GNAL: variants seen among roughly 807,000 people sequenced by gnomAD.
GNAL encodes guanine nucleotide-binding protein G(olf) subunit alpha.
In GNAL, 18 loss-of-function variants were observed where a neutral mutation model predicts 55.1. The ratio of observed to expected loss-of-function variants is 0.33; its 90% CI spans 0.23 to 0.48. GNAL has a LOEUF of 0.48. Ranked by LOEUF, GNAL falls within the 20% of genes least tolerant of loss-of-function variation. The pLI is 0.99. For missense variants in GNAL, 412 were observed against 614.1 expected (o/e 0.67, Z 3.48); for synonymous variants, 253 against 237.0 (o/e 1.07, Z -0.62).
At chr18:11,756,560 C>T (rs989133343) in intron 4 of GNAL, among the ~76,000 whole-genome samples, 4 of 151,370 alleles carry the variant, frequency 2.6e-5, no homozygotes, top group Admixed American at 2.6e-4. Context: ...AACATAGCCC[C>T]GACTTATGAC....
At chr18:11,704,878 G>GTT (rs1423793293) in intron 1 of GNAL, among the ~76,000 whole-genome samples, 4 of 151,984 alleles carry the variant, frequency 2.6e-5, no homozygotes, top group African/African-American at 7.3e-5. Flanking sequence ...GTTTTGACAT[G>GTT]TGTATACACC....
chr18:11,808,884 C>T (rs1160188288), intron 4 of GNAL, among the ~76,000 whole-genome samples: 2 of 152,220 alleles, frequency 1.3e-5, no homozygotes, highest in African/African-American at 2.4e-5. Flanking sequence ...CATGCTAAGT[C>T]AGAGAAGCCA....
chr18:11,745,088 A>ACAG (rs1409314754), intron 1 of GNAL, among the ~76,000 whole-genome samples: 2 of 152,214 alleles, frequency 1.3e-5, no homozygotes, highest in Non-Finnish European at 2.9e-5. Flanking sequence ...TATAAAGACT[A>ACAG]CAGAAGACCA....
At chr18:11,806,094 A>G (rs929515287) in intron 4 of GNAL, among the ~76,000 whole-genome samples, 4 of 152,076 alleles carry the variant, frequency 2.6e-5, no homozygotes, top group Non-Finnish European at 5.9e-5. Context: ...TTATCTGATG[A>G]TTAGTTATGT....
chr18:11,699,213 TAGAGAC>T (rs531487325), intron 1 of GNAL, among the ~76,000 whole-genome samples: 132 of 152,204 alleles, frequency 8.7e-4, no homozygotes, highest in African/African-American at 3.0e-3. Context: ...TTTATTTACT[TAGAGAC>T]AGAGTCTCTC....
chr18:11,862,508 T>C, intron 6 of GNAL, 59 bp downstream of exon 6: 1 of 1,265,768 alleles, frequency 7.9e-7, no homozygotes, highest in Non-Finnish European at 1.2e-6. Flanking sequence ...ATTTCCAATA[T>C]GATTTAATGA....
chr18:11,706,879 C>T (rs1046684055), intron 1 of GNAL, among the ~76,000 whole-genome samples: 3 of 152,202 alleles, frequency 2.0e-5, no homozygotes, highest in Admixed American at 1.3e-4. Flanking sequence ...AGTCTTGAAT[C>T]CCTCAAAGCA....
rs1449657115 is a variant in GNAL at position 11,881,107 on chromosome 18, T to C, written c.1349T>C (p.Met450Thr). Reference sequence around the variant, plus strand: ...GACTGCCGCGACATCATCCAGCGGATGCACCTCAAGCAGTATGAGCTCTTG... The same window carrying C: ...GACTGCCGCGACATCATCCAGCGGACGCACCTCAAGCAGTATGAGCTCTTG... Reference protein sequence around the residue: ...FNDCRDIIQRMHLKQYELL With the variant: ...FNDCRDIIQRTHLKQYELL The change falls in exon 12 of 12, where the codon ATG (methionine) becomes ACG (threonine). Residue 450 changes from methionine to threonine, a missense_variant. By Grantham distance (81) the Met-to-Thr change is moderately conservative. Coordinates refer to ENST00000334049, the MANE Select transcript of GNAL (RefSeq NM_182978.4). This position sits in a 1 kb window ranked among gnomAD's most constrained non-coding sequence, Gnocchi z 4.8. 1 of 1,612,244 alleles carries C rather than the reference T, an allele frequency of 6.2e-7. No homozygotes were observed. The highest frequency in any genetic ancestry group is 1.1e-5 in the South Asian group (1 of 90,652).
At position 11,882,351 on chromosome 18, in the gene GNAL, T is replaced by C. The variant is rs1176581238; in HGVS notation, c.*1216T>C. 1 of 152,072 alleles carries C rather than the reference T, an allele frequency of 6.6e-6. No homozygotes were observed. Among genetic ancestry groups the C allele is most frequent in the African/African-American group, 2.4e-5 (1 of 41,402 alleles). The allele number at this position is 152,072 out of a possible 1,614,324, so 9.4% of individuals were successfully genotyped here. On this transcript the variant is annotated 3_prime_UTR_variant, in exon 12 of 12. Transcript: ENST00000334049. ...GTCCATCATTCCCTTAGTCAAAACTTTGGACACAGGCTACGTCATACAAGT... is the reference window on the plus strand; with the variant it reads ...GTCCATCATTCCCTTAGTCAAAACTCTGGACACAGGCTACGTCATACAAGT...
intron 5 of GNAL, among the ~76,000 whole-genome samples, chr18:11,861,909 C>T (rs941614347): frequency 6.6e-6 from 1 of 151,800 alleles, no homozygotes; most frequent in Non-Finnish European, 1.5e-5. Context: ...TACTCTTGCA[C>T]ACCACATACT....
rs761363529 is a variant in GNAL, at chr18:11,867,230, A to AT, written c.910+11dup. 3.8e-6 allele frequency: 6 copies of AT among 1,580,592 alleles called. No homozygotes were observed. The highest frequency in any genetic ancestry group is 1.1e-5 in the South Asian group (1 of 90,340). On this transcript the variant is annotated splice_donor_region_variant and intron_variant, in intron 8 of 11. Coordinates refer to ENST00000334049, the MANE Select transcript of GNAL (RefSeq NM_182978.4). Reference sequence around the variant, plus strand: ...AAATGGATCCAGTGCTTTAACGGTGATTTTTTTATGCTCTCTCAAGAAAAT... The same window carrying AT: ...AAATGGATCCAGTGCTTTAACGGTGATTTTTTTTATGCTCTCTCAAGAAAAT...
In GNAL at chr18:11,689,892, G is replaced by T. The variant is rs778292731; in HGVS notation, c.329G>T (p.Arg110Leu). 2.7e-6 allele frequency: 4 copies of T among 1,481,484 alleles called. No individual in the cohort carries two copies. In the African/African-American group the frequency reaches 4.3e-5, roughly 16 times the overall value. The allele number at this position is 1,481,484 out of a possible 1,614,324, so 91.8% of individuals were successfully genotyped here. The change falls in exon 1 of 12, where the codon CGC becomes CTC. Residue 110 changes from arginine (R) to leucine (L), a missense_variant. By Grantham distance (102) the Arg-to-Leu change is moderately radical. Coordinates refer to ENST00000334049, the MANE Select transcript of GNAL (RefSeq NM_182978.4). ...KVSRGIDRML[R>L]DQKRDLQQTH... Reference sequence around the variant, plus strand: ...AGCCGGGGCATCGACCGCATGCTGCGCGACCAGAAGCGCGACCTGCAGCAG... The same window carrying T: ...AGCCGGGGCATCGACCGCATGCTGCTCGACCAGAAGCGCGACCTGCAGCAG...
chr18:11,689,422 G>T lies in GNAL; in HGVS notation c.-142G>T, dbSNP rs987902641. 2.7e-5 allele frequency: 10 copies of T among 375,514 alleles called. No individual in the cohort carries two copies. The highest frequency in any genetic ancestry group is 1.4e-4 in the South Asian group (1 of 7,162). The allele number at this position is 375,514 out of a possible 1,614,324, so 23.3% of individuals were successfully genotyped here. A position where few individuals can be genotyped will look rare whatever the true frequency, so the allele number is the denominator to read the frequency against. On this transcript the variant is annotated 5_prime_UTR_variant, in exon 1 of 12. Transcript: ENST00000334049. ...CACCCCCTTCCCGCAGCTGGCGGCC[G>T]GCAGCGCCGAACAGGGTCCGGGTGC...
At chr18:11,823,389 A>G (rs2035156112) in intron 4 of GNAL, among the ~76,000 whole-genome samples, 1 of 152,176 alleles carries the variant, frequency 6.6e-6, no homozygotes, top group Non-Finnish European at 1.5e-5. Flanking sequence ...ATGGTGACAG[A>G]CAGATGCAGA....
intron 4 of GNAL, among the ~76,000 whole-genome samples, chr18:11,777,667 T>C (rs893223679): frequency 5.3e-5 from 8 of 152,214 alleles, no homozygotes; most frequent in Admixed American, 2.6e-4. Flanking sequence ...TTCATGCTCT[T>C]CTTAGCAAGT....
Position 11,733,953 on chromosome 18 carries a change from C to T in GNAL, c.377-18900C>T, listed in dbSNP as rs113670653. 5.6e-3 allele frequency among the ~76,000 whole-genome samples: 847 copies of T among 151,826 alleles called. 6 individuals are homozygous for T. The highest frequency in any genetic ancestry group is 0.019 in the African/African-American group (790 of 41,380). ...CACATTCCTGGACAGGTCCTGTGTC[C>T]GTTCTGTAGAACTGCGCCATCATTT... On this transcript the variant is annotated intron_variant, in intron 1 of 11. Transcript: ENST00000334049.
intron 4 of GNAL, among the ~76,000 whole-genome samples, chr18:11,775,117 T>C (rs991819820): frequency 3.9e-5 from 6 of 152,232 alleles, no homozygotes; most frequent in Non-Finnish European, 8.8e-5. Context: ...ATTCCTGATT[T>C]ACTGAAGACA....
chr18:11,848,694 C>T (rs1406078003), intron 5 of GNAL, among the ~76,000 whole-genome samples: 1 of 151,914 alleles, frequency 6.6e-6, no homozygotes, highest in Non-Finnish European at 1.5e-5. Flanking sequence ...TGGCCTCAAG[C>T]GATCCACCCA....
intron 4 of GNAL, among the ~76,000 whole-genome samples, chr18:11,754,998 A>ATGTGTG (rs59291287): frequency 0.049 from 7,365 of 149,100 alleles, 227 homozygotes; most frequent in African/African-American, 0.095. Context: ...GTGAGTGTGT[A>ATGTGTG]TGTGTGTGTG....
Sources: gnomAD v4.1 joint callset for allele counts (sites outside exome capture counted in the v4.1 genomes callset) on GRCh38, gnomAD v4.1.1 for gene constraint, Gnocchi (gnomAD v3.1) non-coding constraint, MANE v1.5 for transcripts, NCBI Gene and HGNC (gene_info 2026-07-23, HGNC 2026-07-21) for gene names.